The following XKR6 variants were observed in gnomAD, a reference collection of about 807,000 sequenced individuals.
XKR6 encodes the protein XK-related protein 6.
In XKR6, 22 loss-of-function variants were observed where a neutral mutation model predicts 56.7. The ratio of observed to expected loss-of-function variants is 0.39; its 90% CI spans 0.28 to 0.55. The LOEUF (loss-of-function observed/expected upper bound fraction) is 0.55, where lower values mean the gene tolerates loss of function less well. Among genes scored for constraint, XKR6 ranks in the 20% least tolerant of loss-of-function variants. XKR6 has a pLI of 0.66. For missense variants in XKR6, 852 were observed against 889.0 expected, an observed-to-expected ratio of 0.96 and a Z score of 0.53; for synonymous variants, 524 against 387.8, an observed-to-expected ratio of 1.35 and a Z score of -4.13.
chr8:11,007,768 T>A (rs1586424559), intron 1 of XKR6, among the ~76,000 whole-genome samples: 1 of 152,188 alleles, frequency 6.6e-6, no homozygotes, highest in Non-Finnish European at 1.5e-5. Flanking sequence ...CAGGGCAAGG[T>A]GCCTGCAGTC....
At chr8:11,029,375 C>G (rs1373351371) in intron 1 of XKR6, among the ~76,000 whole-genome samples, 1 of 152,158 alleles carries the variant, frequency 6.6e-6, no homozygotes, top group African/African-American at 2.4e-5. Context: ...TGTTAAATCT[C>G]CAACCCTTAA....
chr8:10,914,554 A>G (rs921926973), intron 2 of XKR6, among the ~76,000 whole-genome samples: 9 of 152,054 alleles, frequency 5.9e-5, no homozygotes, highest in Non-Finnish European at 1.0e-4. Context: ...GACTCCCCCA[A>G]TGCTCCTCCT....
intron 1 of XKR6, among the ~76,000 whole-genome samples, chr8:11,080,574 A>T (rs1797680909): frequency 8.2e-6 from 1 of 122,564 alleles, no homozygotes; most frequent in Non-Finnish European, 1.7e-5. Flanking sequence ...GTTCATCATC[A>T]CAGTGACAGT....
chr8:11,011,481 A>C (rs1173812547), intron 1 of XKR6, among the ~76,000 whole-genome samples: 2 of 152,236 alleles, frequency 1.3e-5, no homozygotes, highest in Non-Finnish European at 2.9e-5. Context: ...TTGTTCATTC[A>C]TTCATTCAAC....
intron 1 of XKR6, among the ~76,000 whole-genome samples, chr8:11,130,300 C>G (rs1369771884): frequency 3.3e-5 from 5 of 152,052 alleles, no homozygotes; most frequent in Non-Finnish European, 7.4e-5. Context: ...TTCCTCTTCA[C>G]TTACTGGTCA....
chr8:11,003,813 G>C (rs568175112), intron 1 of XKR6, among the ~76,000 whole-genome samples: 1 of 152,342 alleles, frequency 6.6e-6, no homozygotes, highest in Admixed American at 6.5e-5. Flanking sequence ...ATGTATGGAG[G>C]ACAGAGAAGG....
intron 1 of XKR6, among the ~76,000 whole-genome samples, chr8:11,078,842 C>T (rs887590506): frequency 6.6e-6 from 1 of 152,208 alleles, no homozygotes; most frequent in African/African-American, 2.4e-5. Flanking sequence ...AGTGGACATA[C>T]CCTCCCATGG....
chr8:10,943,054 A>G (rs1801432306), intron 1 of XKR6, among the ~76,000 whole-genome samples: 1 of 152,182 alleles, frequency 6.6e-6, no homozygotes, highest in Non-Finnish European at 1.5e-5. Flanking sequence ...TGGCCCAGGT[A>G]GGCACCGTAC....
intron 1 of XKR6, among the ~76,000 whole-genome samples, chr8:11,156,780 A>G (rs1397949207): frequency 6.6e-6 from 1 of 151,900 alleles, no homozygotes; most frequent in Admixed American, 6.6e-5. Flanking sequence ...GTAGGTAAAT[A>G]CTCCCCAGTC....
At chr8:11,030,420 C>T (rs536592035) in intron 1 of XKR6, among the ~76,000 whole-genome samples, 14 of 152,364 alleles carry the variant, frequency 9.2e-5, no homozygotes, top group Non-Finnish European at 1.8e-4. Context: ...TGCTCACCAA[C>T]AGGATGCCCT....
intron 1 of XKR6, among the ~76,000 whole-genome samples, chr8:11,032,679 C>T (rs1298832090): frequency 6.6e-6 from 1 of 152,158 alleles, no homozygotes; most frequent in East Asian, 1.9e-4. Context: ...CTCACTCCAA[C>T]AGCAGGATGG....
At position 10,931,585 on chromosome 8, in the gene XKR6, G is replaced by A. The variant is rs553213124; in HGVS notation, c.765-6755C>T. Among the ~76,000 whole-genome samples the A allele has an allele frequency of 2.6e-5, 4 of 152,222 alleles. No homozygotes were observed. The South Asian group carries it at 8.3e-4, about 32-fold the overall frequency. ...ATAGATCAGCAGAACAGAAGAGTCC[G>A]GAAGAAGACCCATATAATTATGGCC... On this transcript the variant is annotated intron_variant, in intron 1 of 2. Coordinates refer to ENST00000416569, the MANE Select transcript of XKR6 (RefSeq NM_173683.4).
At chr8:11,118,083 A>G (rs1309906879) in intron 1 of XKR6, among the ~76,000 whole-genome samples, 1 of 152,190 alleles carries the variant, frequency 6.6e-6, no homozygotes, top group Non-Finnish European at 1.5e-5. Flanking sequence ...TGACCCAGAA[A>G]TTTAACTTCT....
chr8:10,968,210 C>G (rs928781232), intron 1 of XKR6, among the ~76,000 whole-genome samples: 3 of 152,224 alleles, frequency 2.0e-5, no homozygotes, highest in African/African-American at 7.2e-5. Flanking sequence ...TCCCACCGCT[C>G]CTAGGCCTCC....
At chr8:11,122,427 C>T (rs1799501554) in intron 1 of XKR6, among the ~76,000 whole-genome samples, 1 of 152,232 alleles carries the variant, frequency 6.6e-6, no homozygotes, top group Non-Finnish European at 1.5e-5. Context: ...TGACAGGAGG[C>T]ATAATCATGT....
chr8:11,129,715 T>C (rs963526638), intron 1 of XKR6, among the ~76,000 whole-genome samples: 8 of 152,236 alleles, frequency 5.3e-5, no homozygotes, highest in African/African-American at 9.6e-5. Context: ...TTTAAGGATT[T>C]TGCATTTGCA....
intron 1 of XKR6, among the ~76,000 whole-genome samples, chr8:11,120,561 T>A (rs928344737): frequency 6.6e-6 from 1 of 152,010 alleles, no homozygotes; most frequent in African/African-American, 2.4e-5. Flanking sequence ...GGAAGAACAT[T>A]CCATGCTCAT....
At chr8:10,904,321 T>C (rs1202363894) in intron 2 of XKR6, among the ~76,000 whole-genome samples, 1 of 152,016 alleles carries the variant, frequency 6.6e-6, no homozygotes, top group Non-Finnish European at 1.5e-5. Flanking sequence ...AGAGAAAGGC[T>C]TGGAGAAAGG....
rs1327488029 is a variant in XKR6, at chr8:10,927,757, T to C, written c.765-2927A>G. 1.3e-5 allele frequency among the ~76,000 whole-genome samples: 2 copies of C among 152,164 alleles called. 1 individual carries two copies. The highest frequency in any genetic ancestry group is 4.1e-4 in the South Asian group (2 of 4,834). On this transcript the variant is annotated intron_variant, in intron 1 of 2. Coordinates refer to ENST00000416569, the MANE Select transcript of XKR6 (RefSeq NM_173683.4). ...GGAGGAGCCAATCTTGATGCTCTCC[T>C]GGGTGTGAGCACCCCAGGGTGTGGG...
Sources: gnomAD v4.1 joint callset for allele counts (sites outside exome capture counted in the v4.1 genomes callset) on GRCh38, gnomAD v4.1.1 for gene constraint, MANE v1.5 for transcripts, NCBI Gene and HGNC (gene_info 2026-07-23, HGNC 2026-07-21) for gene names.